PTPRE: variants seen among roughly 807,000 people sequenced by gnomAD.
PTPRE encodes protein tyrosine phosphatase receptor type E.
In PTPRE, 51 loss-of-function variants were observed where a neutral mutation model predicts 102.0. The ratio of observed to expected loss-of-function variants is 0.50; its 90% CI spans 0.40 to 0.63. The LOEUF (loss-of-function observed/expected upper bound fraction) is 0.63. Among genes scored for constraint, PTPRE ranks in the 30% least tolerant of loss-of-function variants. PTPRE has a pLI of 0.00. For missense variants in PTPRE, 752 were observed against 915.1 expected, an observed-to-expected ratio of 0.82 and a Z score of 2.30; for synonymous variants, 345 against 348.2, an observed-to-expected ratio of 0.99 and a Z score of 0.10.
At chr10:127,925,402 T>C (rs1846928659) in intron 1 of PTPRE, among the ~76,000 whole-genome samples, 1 of 152,332 alleles carries the variant, frequency 6.6e-6, no homozygotes, top group South Asian at 2.1e-4. Flanking sequence ...GGATCCTCAT[T>C]CTTTTCTGAC....
chr10:127,908,312 T>G lies in PTPRE; in HGVS notation c.-31+1003T>G, dbSNP rs147289361. ...CAGAAATTACTGTGTCCATGTCCAG[T>G]CAGCTCTGCATTTGGCCCCAGGTAC... On this transcript the variant is annotated intron_variant, in intron 1 of 20. Transcript: ENST00000254667. Among the ~76,000 whole-genome samples, 22 of 152,180 alleles carry G rather than the reference T, an allele frequency of 1.4e-4. No individual in the cohort carries two copies. In the East Asian group the frequency reaches 3.7e-3, roughly 26 times the overall value.
At position 127,938,039 on chromosome 10, in the gene PTPRE, T is replaced by C. The variant is rs541472501; in HGVS notation, c.-31+30730T>C. 2.0e-5 allele frequency among the ~76,000 whole-genome samples: 3 copies of C among 152,284 alleles called. No individual in the cohort carries two copies. The South Asian group carries it at 6.2e-4, about 32-fold the overall frequency. On this transcript the variant is annotated intron_variant, in intron 1 of 20. Coordinates refer to ENST00000254667, the MANE Select transcript of PTPRE (RefSeq NM_006504.6). ...AAAGAAGGAAAATATTTATTCCTTA[T>C]ATTTCAGGATGGCAGTCAATTAGGG...
intron 1 of PTPRE, among the ~76,000 whole-genome samples, chr10:127,939,707 G>A (rs1033266145): frequency 6.6e-6 from 1 of 152,214 alleles, no homozygotes; most frequent in Admixed American, 6.5e-5. Context: ...AGCCCAGCAG[G>A]GGCAGGGCCA....
chr10:128,078,338 G>A (rs2136073548), intron 19 of PTPRE, among the ~76,000 whole-genome samples: 1 of 152,344 alleles, frequency 6.6e-6, no homozygotes, highest in African/African-American at 2.4e-5. Context: ...GTGAAGGCGT[G>A]AAACACAGCA....
chr10:127,998,478 G>C (rs1053173172), intron 2 of PTPRE: 4 of 152,108 alleles, frequency 2.6e-5, no homozygotes, highest in African/African-American at 9.7e-5. Flanking sequence ...TTTCTTTATG[G>C]GAGGCAGAAA....
Position 128,085,112 on chromosome 10 carries a change from T to C in PTPRE, c.*2206T>C, listed in dbSNP as rs538871611. The C allele has an allele frequency of 8.6e-4, 394 of 456,068 alleles. 1 individual carries two copies. The highest frequency in any genetic ancestry group is 7.2e-3 in the African/African-American group (361 of 50,162). The allele number at this position is 456,068 out of a possible 1,614,324, so 28.3% of individuals were successfully genotyped here. A position where few individuals can be genotyped will look rare whatever the true frequency, so the allele number is the denominator to read the frequency against. ...CCACTTTCCCCAGGACGCAAGACTC[T>C]CCCCTCCACTGTCCGGGACAGCGTT... On this transcript the variant is annotated 3_prime_UTR_variant, in exon 21 of 21. Transcript: ENST00000254667.
intron 3 of PTPRE, among the ~76,000 whole-genome samples, chr10:128,042,204 A>T (rs114065343): frequency 0.025 from 3,828 of 152,222 alleles, 173 homozygotes; most frequent in African/African-American, 0.088. Flanking sequence ...ACGTAGAAAC[A>T]TCTGACAAAC....
At chr10:127,970,218 A>G (rs766380406) in intron 1 of PTPRE, among the ~76,000 whole-genome samples, 59 of 152,328 alleles carry the variant, frequency 3.9e-4, no homozygotes, top group Admixed American at 1.1e-3. Flanking sequence ...ACACCCCACA[A>G]TGATGAGGTC....
intron 8 of PTPRE, 116 bp downstream of exon 8, chr10:128,061,131 C>A: frequency 9.9e-7 from 1 of 1,013,698 alleles, no homozygotes; most frequent in Non-Finnish European, 1.5e-6. Flanking sequence ...AGTTTGGCCA[C>A]AAGCACAAAG....
chr10:127,922,328 C>T (rs550741023), intron 1 of PTPRE, among the ~76,000 whole-genome samples: 6 of 152,358 alleles, frequency 3.9e-5, no homozygotes, highest in South Asian at 2.1e-4. Context: ...CATTCTTTGC[C>T]GCCGGACACC....
chr10:128,036,117 C>T (rs977501589), intron 2 of PTPRE, among the ~76,000 whole-genome samples: 2 of 150,708 alleles, frequency 1.3e-5, no homozygotes, highest in African/African-American at 4.9e-5. Flanking sequence ...AATCCCTTTC[C>T]TACCCTGGGT....
chr10:128,047,876 T>C, intron 5 of PTPRE, 39 bp downstream of exon 5: 2 of 1,530,786 alleles, frequency 1.3e-6, no homozygotes, highest in Non-Finnish European at 1.8e-6. Context: ...TGGGGGAAAA[T>C]GTGTTCTTTT....
At chr10:127,985,063 G>C (rs1051546463) in intron 2 of PTPRE, among the ~76,000 whole-genome samples, 2 of 152,210 alleles carry the variant, frequency 1.3e-5, no homozygotes, top group African/African-American at 4.8e-5. Flanking sequence ...GAGTCAGTTA[G>C]AACTAAAAAG....
intron 7 of PTPRE, among the ~76,000 whole-genome samples, chr10:128,056,734 A>G (rs1848999871): frequency 6.6e-6 from 1 of 152,006 alleles, no homozygotes; most frequent in Non-Finnish European, 1.5e-5. Context: ...ATTTAACCCC[A>G]GCAGTACAAG....
At chr10:128,066,730 G>A (rs553546788) in intron 11 of PTPRE, among the ~76,000 whole-genome samples, 2 of 152,328 alleles carry the variant, frequency 1.3e-5, no homozygotes, top group East Asian at 3.9e-4. Flanking sequence ...ATTTTGTCAG[G>A]ATTTAAAGAT....
intron 1 of PTPRE, among the ~76,000 whole-genome samples, chr10:127,943,401 C>T (rs182756918): frequency 2.0e-5 from 3 of 152,318 alleles, no homozygotes. Flanking sequence ...CTGCCACCAG[C>T]CTGGAAGGCA....
chr10:127,930,187 G>A (rs866108063), intron 1 of PTPRE, among the ~76,000 whole-genome samples: 1 of 151,356 alleles, frequency 6.6e-6, no homozygotes, highest in South Asian at 2.1e-4. Flanking sequence ...TTTAACAAAT[G>A]CAGAGTTGTA....
At chr10:128,069,558 T>A in intron 12 of PTPRE, 134 bp from the exon 13 acceptor site, 1 of 1,242,488 alleles carries the variant, frequency 8.0e-7, no homozygotes, top group Non-Finnish European at 1.1e-6. Context: ...GGCTGCACTG[T>A]AGCTTTGCTC....
chr10:128,085,845 T>G lies in PTPRE; in HGVS notation c.*2939T>G, dbSNP rs1466284850. On this transcript the variant is annotated 3_prime_UTR_variant, in exon 21 of 21. Transcript: ENST00000254667. ...TTCTGATGCAAGGATAAACCTTTACTTTGACTACCAGCCTGTGTTTTTGTC... is the reference window on the plus strand; with the variant it reads ...TTCTGATGCAAGGATAAACCTTTACGTTGACTACCAGCCTGTGTTTTTGTC... The G allele has an allele frequency of 7.2e-6, 1 of 139,284 alleles. No homozygotes were observed. The highest frequency in any genetic ancestry group is 1.5e-5 in the Non-Finnish European group (1 of 66,474). The allele number at this position is 139,284 out of a possible 1,614,324, so 8.6% of individuals were successfully genotyped here. A position where few individuals can be genotyped will look rare whatever the true frequency, so the allele number is the denominator to read the frequency against.
Sources: allele counts gnomAD v4.1 joint callset (sites outside exome capture counted in the v4.1 genomes callset), GRCh38; gene constraint gnomAD v4.1.1; transcripts MANE v1.5; gene names NCBI Gene and HGNC (gene_info 2026-07-23, HGNC 2026-07-21).